PFKFB3: variants seen among roughly 807,000 people sequenced by gnomAD.
PFKFB3 encodes the protein 6-phosphofructo-2-kinase/fructose-2,6-bisphosphatase 3.
Under a neutral mutation model 68.0 loss-of-function variants are expected in PFKFB3, and 33 were observed. The observed-to-expected ratio is 0.49, with a 90% CI of 0.37 to 0.65. The LOEUF (loss-of-function observed/expected upper bound fraction) is 0.65, where lower values mean the gene tolerates loss of function less well. Ranked by LOEUF, PFKFB3 falls within the 30% of genes least tolerant of loss-of-function variation. The pLI is 0.00. For synonymous variants in PFKFB3, 315 were observed against 288.2 expected, an observed-to-expected ratio of 1.09 and a Z score of -0.94; for missense variants, 586 against 712.2, an observed-to-expected ratio of 0.82 and a Z score of 2.02.
intron 14 of PFKFB3, among the ~76,000 whole-genome samples, chr10:6,227,990 T>C (rs1588535514): frequency 6.6e-6 from 1 of 152,296 alleles, no homozygotes; most frequent in East Asian, 1.9e-4. Context: ...CAGACCTCCG[T>C]CGTGGAGGAC....
Position 6,216,783 on chromosome 10 carries a change from G to A in PFKFB3, c.441+3G>A. Reference sequence around the variant, plus strand: ...TTGCCAAAGAAAATGACTTTAAGGTGAGCTGAGCGTCTTGTGTTGTGCTAG... The same window carrying A: ...TTGCCAAAGAAAATGACTTTAAGGTAAGCTGAGCGTCTTGTGTTGTGCTAG... On this transcript the variant is annotated splice_donor_region_variant and intron_variant, in intron 5 of 14. Transcript: ENST00000379775. 6.2e-7 allele frequency: 1 copy of A among 1,608,360 alleles called. No homozygotes were observed. The highest frequency in any genetic ancestry group is 1.1e-5 in the South Asian group (1 of 90,992).
At chr10:6,293,412 C>G in the PFKFB3 span, 48 of 221,694 alleles carry the variant, frequency 2.2e-4, no homozygotes, top group East Asian at 2.9e-3. Context: ...GTGGTGCAAT[C>G]TCGGCTCACT....
chr10:6,297,726 C>A, the PFKFB3 span, among the ~76,000 whole-genome samples: 114 of 152,260 alleles, frequency 7.5e-4, no homozygotes, highest in Admixed American at 1.4e-3. Flanking sequence ...TTGATGATGA[C>A]CCTGTGGAGG....
the PFKFB3 span, among the ~76,000 whole-genome samples, chr10:6,289,681 G>T: frequency 6.6e-6 from 1 of 152,140 alleles, no homozygotes; most frequent in Non-Finnish European, 1.5e-5. Flanking sequence ...TTGACTTGGC[G>T]ATGCGGGCTC....
chr10:6,177,739 G>T (rs1712801318), intron 1 of PFKFB3, among the ~76,000 whole-genome samples: 1 of 151,986 alleles, frequency 6.6e-6, no homozygotes, highest in African/African-American at 2.4e-5. Context: ...TGTTAGGCTG[G>T]TCTCGAACTC....
chr10:6,208,955 A>G (rs1843978013), intron 1 of PFKFB3, among the ~76,000 whole-genome samples: 2 of 152,176 alleles, frequency 1.3e-5, no homozygotes, highest in Admixed American at 1.3e-4. Flanking sequence ...TCTCCGTTGT[A>G]CACTAATGGT....
At chr10:6,161,663 C>T (rs900446815) in intron 1 of PFKFB3, among the ~76,000 whole-genome samples, 1 of 144,570 alleles carries the variant, frequency 6.9e-6, no homozygotes, top group Admixed American at 7.0e-5. Flanking sequence ...GAGAGAATCT[C>T]ACTTTGTCAC....
At chr10:6,298,666 T>C in the PFKFB3 span, among the ~76,000 whole-genome samples, 1 of 152,290 alleles carries the variant, frequency 6.6e-6, no homozygotes, top group South Asian at 2.1e-4. Context: ...GCACTTGGCC[T>C]TGTTCAGTGC....
In PFKFB3 at chr10:6,203,127, C is replaced by G. The variant is rs1843443265; in HGVS notation, c.-134C>G. Reference sequence around the variant, plus strand: ...TTAGCCCAAAGCACGTTTCCCCTGGCAGCGCAGGAAACGCCCGGCCGCGCG... The same window carrying G: ...TTAGCCCAAAGCACGTTTCCCCTGGGAGCGCAGGAAACGCCCGGCCGCGCG... On this transcript the variant is annotated 5_prime_UTR_variant, in exon 1 of 15. Transcript: ENST00000379775. The G allele has an allele frequency of 7.4e-6, 11 of 1,486,586 alleles. No homozygotes were observed. Among genetic ancestry groups the G allele is most frequent in the Admixed American group, 2.5e-5 (1 of 40,052 alleles). The allele number at this position is 1,486,586 out of a possible 1,614,324, so 92.1% of individuals were successfully genotyped here. A position where few individuals can be genotyped will look rare whatever the true frequency, so the allele number is the denominator to read the frequency against.
the PFKFB3 span, among the ~76,000 whole-genome samples, chr10:6,287,788 T>G: frequency 6.6e-6 from 1 of 152,126 alleles, no homozygotes; most frequent in Non-Finnish European, 1.5e-5. Flanking sequence ...CTATTATTAT[T>G]TTGAACAAAC....
At chr10:6,304,000 C>G in the PFKFB3 span, among the ~76,000 whole-genome samples, 1 of 151,984 alleles carries the variant, frequency 6.6e-6, no homozygotes, top group Non-Finnish European at 1.5e-5. Flanking sequence ...GGCAGAGACA[C>G]AAGATGAAAG....
chr10:6,183,601 C>CAAAAAAAA (rs773888395), intron 1 of PFKFB3, among the ~76,000 whole-genome samples: 4 of 127,826 alleles, frequency 3.1e-5, no homozygotes, highest in African/African-American at 1.2e-4. Flanking sequence ...CCAGCCTGGT[C>CAAAAAAAA]AAAAAAAAAA....
intron 1 of PFKFB3, among the ~76,000 whole-genome samples, chr10:6,177,390 T>TTCTTTCTTCCTTTCTTTTCTTTC (rs1564599571): frequency 2.0e-4 from 13 of 63,582 alleles, no homozygotes; most frequent in Non-Finnish European, 4.8e-4. Flanking sequence ...CTTTCTTTCT[T>TTCTTTCTTCCTTTCTTTTCTTTC]TCTTTCTTTC....
chr10:6,302,806 ATT>A, the PFKFB3 span, among the ~76,000 whole-genome samples: 1 of 150,980 alleles, frequency 6.6e-6, no homozygotes. Context: ...ATATATATAT[ATT>A]TGTGTGTGTG....
chr10:6,291,155 A>G, the PFKFB3 span, among the ~76,000 whole-genome samples: 1 of 152,242 alleles, frequency 6.6e-6, no homozygotes, highest in Non-Finnish European at 1.5e-5. Context: ...ACAAATTACT[A>G]GAAAAATATT....
At chr10:6,255,177 T>G (rs1244940385), downstream of PFKFB3, among the ~76,000 whole-genome samples, 1 of 150,696 alleles carries the variant, frequency 6.6e-6, no homozygotes, top group Non-Finnish European at 1.5e-5. Flanking sequence ...CAGGCTGGAG[T>G]GCAGTGGCCT....
intron 14 of PFKFB3, among the ~76,000 whole-genome samples, 159 bp from the exon 15 acceptor site, chr10:6,232,736 C>G (rs1845822189): frequency 6.6e-6 from 1 of 152,194 alleles, no homozygotes; most frequent in South Asian, 2.1e-4. Context: ...GGGCTCTCTC[C>G]CGCCTGTGAG....
At chr10:6,227,454 C>G (rs1019579898) in intron 14 of PFKFB3, among the ~76,000 whole-genome samples, 1 of 152,210 alleles carries the variant, frequency 6.6e-6, no homozygotes, top group African/African-American at 2.4e-5. Flanking sequence ...CCTTAGACCT[C>G]ATGATGTCTG....
intron 13 of PFKFB3, among the ~76,000 whole-genome samples, chr10:6,225,929 C>T (rs1001003337): frequency 2.0e-5 from 3 of 152,170 alleles, no homozygotes; most frequent in Non-Finnish European, 4.4e-5. Context: ...CCTTGCTTTG[C>T]AAGCACCGTG....
Sources: gnomAD v4.1 joint callset for allele counts (sites outside exome capture counted in the v4.1 genomes callset) on GRCh38, gnomAD v4.1.1 for gene constraint, MANE v1.5 for transcripts, NCBI Gene and HGNC (gene_info 2026-07-23, HGNC 2026-07-21) for gene names.